Variants in DMD observed in about 807,000 individuals in gnomAD.
DMD encodes dystrophin.
Under a neutral mutation model 330.1 loss-of-function variants are expected in DMD, and 63 were observed. The observed-to-expected ratio is 0.19, with a 90% CI of 0.16 to 0.24. The LOEUF is 0.24. DMD is among the 10% of genes least tolerant of loss of function. The probability of loss-of-function intolerance (pLI) is 1.00; values close to 1 mark genes in which losing one functional copy is unlikely to be tolerated. For missense variants in DMD, 3,344 were observed against 2,684.1 expected (o/e 1.25, Z -5.43); for synonymous variants, 1,223 against 959.8 (o/e 1.27, Z -5.07).
chrX:31,344,889 G>A (rs1018342350), intron 61 of DMD, among the ~76,000 whole-genome samples: 1 of 110,604 alleles, frequency 9.0e-6, no homozygotes, highest in Non-Finnish European at 1.9e-5. Context: ...GCAACCACAA[G>A]AGAAATACAG....
At chrX:31,502,838 G>A (rs890870311) in intron 56 of DMD, among the ~76,000 whole-genome samples, 5 of 111,552 alleles carry the variant, frequency 4.5e-5, no homozygotes, top group African/African-American at 1.6e-4. Context: ...CAAGGATTGT[G>A]GATATGGAAT....
At chrX:32,828,883 T>C (rs1324553261) in intron 4 of DMD, among the ~76,000 whole-genome samples, 1 of 111,582 alleles carries the variant, frequency 9.0e-6, no homozygotes, top group Non-Finnish European at 1.9e-5. Context: ...TGCATTTGAA[T>C]ATATTTTTGT....
intron 11 of DMD, among the ~76,000 whole-genome samples, chrX:32,637,288 C>T (rs899750271): frequency 8.9e-6 from 1 of 112,191 alleles, no homozygotes; most frequent in African/African-American, 3.2e-5. Flanking sequence ...GTGCCTGGCA[C>T]ATACTACACA....
At position 32,451,963 on chromosome X, in the gene DMD, A is replaced by G. The variant is rs1315769901; in HGVS notation, c.3603+2699T>C. ...ATTATCAAAACATGTCAATCAATGT[A>G]GACAAATTTGTTGGAACACTCATTT... On this transcript the variant is annotated intron_variant, in intron 26 of 78. Transcript: ENST00000357033. Among the ~76,000 whole-genome samples the G allele has an allele frequency of 7.2e-5, 8 of 110,617 alleles. No homozygotes were observed. The Admixed American group carries it at 7.7e-4, about 11-fold the overall frequency.
At chrX:32,122,992 C>A (rs1168779127) in intron 44 of DMD, among the ~76,000 whole-genome samples, 1 of 107,662 alleles carries the variant, frequency 9.3e-6, no homozygotes, top group Non-Finnish European at 1.9e-5. Flanking sequence ...ATGACACCTA[C>A]ATGGAAATTT....
At chrX:32,844,381 G>C (rs1251819420) in intron 4 of DMD, among the ~76,000 whole-genome samples, 1 of 101,557 alleles carries the variant, frequency 9.8e-6, no homozygotes, top group Non-Finnish European at 2.0e-5. Flanking sequence ...ACTCCAGCCT[G>C]GGACAGAAGA....
rs748533101 is a variant in DMD, at chrX:31,763,591, A to G, written c.7542+10369T>C. Among the ~76,000 whole-genome samples, 3 of 111,546 alleles carry G rather than the reference A, an allele frequency of 2.7e-5. No individual in the cohort carries two copies. In the South Asian group the frequency reaches 1.1e-3, roughly 42 times the overall value. ...AAAACAAAACAAAAACAAAAACAAA[A>G]CAAAACAAAAACGACCAGTACATAC... On this transcript the variant is annotated intron_variant, in intron 51 of 78. Transcript: ENST00000357033.
At chrX:32,257,673 G>A (rs1464841111) in intron 43 of DMD, among the ~76,000 whole-genome samples, 1 of 111,557 alleles carries the variant, frequency 9.0e-6, no homozygotes, top group African/African-American at 3.3e-5. Context: ...AACTCAAGAT[G>A]CATTAAAGAC....
At chrX:32,370,644 G>C (rs1335916031) in intron 34 of DMD, among the ~76,000 whole-genome samples, 1 of 110,017 alleles carries the variant, frequency 9.1e-6, no homozygotes, top group East Asian at 2.9e-4. Flanking sequence ...TTAATGATCT[G>C]CTAGTGTTAT....
chrX:33,230,247 C>T (rs1011266452), intron 1 of DMD, among the ~76,000 whole-genome samples: 4 of 111,269 alleles, frequency 3.6e-5, no homozygotes, highest in African/African-American at 6.5e-5. Context: ...TAAAGTCATG[C>T]ATCAGAGTGT....
intron 56 of DMD, among the ~76,000 whole-genome samples, chrX:31,497,966 C>T (rs1384412596): frequency 8.9e-6 from 1 of 112,282 alleles, no homozygotes; most frequent in East Asian, 2.8e-4. Flanking sequence ...AGCAACATTT[C>T]CCTTAGCCAT....
intron 2 of DMD, among the ~76,000 whole-genome samples, chrX:33,003,383 G>C (rs1028237276): frequency 1.2e-4 from 14 of 112,209 alleles, no homozygotes; most frequent in African/African-American, 4.5e-4. Context: ...TATCATTTAT[G>C]AAGAATAAAA....
chrX:32,209,314 A>C (rs2097084385), intron 44 of DMD, among the ~76,000 whole-genome samples: 1 of 111,031 alleles, frequency 9.0e-6, no homozygotes, highest in Non-Finnish European at 1.9e-5. Context: ...AAATTAGAGC[A>C]CAAATATATA....
intron 2 of DMD, among the ~76,000 whole-genome samples, chrX:32,883,376 CTTCT>C (rs2084148493): frequency 9.0e-6 from 1 of 110,561 alleles, no homozygotes; most frequent in Admixed American, 9.6e-5. Flanking sequence ...CTGGTAATTG[CTTCT>C]TTCTTATGCA....
chrX:32,321,450 G>A (rs769594608), intron 41 of DMD, among the ~76,000 whole-genome samples: 1 of 110,828 alleles, frequency 9.0e-6, no homozygotes, highest in Non-Finnish European at 1.9e-5. Flanking sequence ...ATGATCTGTT[G>A]GAGACCATTG....
At chrX:31,676,706 C>A (rs992202344) in intron 53 of DMD, among the ~76,000 whole-genome samples, 1 of 112,118 alleles carries the variant, frequency 8.9e-6, no homozygotes, top group Non-Finnish European at 1.9e-5. Context: ...CTGAACTTCT[C>A]TAGCCTTCAG....
intron 48 of DMD, among the ~76,000 whole-genome samples, chrX:31,873,912 A>G (rs767864040): frequency 9.0e-5 from 10 of 111,665 alleles, no homozygotes. Context: ...AACACTCACA[A>G]GTAAGCATCA....
chrX:32,880,947 A>G (rs1810616), intron 2 of DMD, among the ~76,000 whole-genome samples: 37,251 of 112,182 alleles, frequency 0.33, 4,645 homozygotes, highest in Middle Eastern at 0.38. Flanking sequence ...TCCATCTCAA[A>G]AAAAAGAAAA....
rs779573264 is a variant in DMD, at chrX:33,196,611, A to G, written c.31+14671T>C. ...ACATTTATCTTTTAGAGTTATATAC[A>G]TTAGTTATTTGTGATTAACAATAAT... On this transcript the variant is annotated intron_variant, in intron 1 of 78. Coordinates refer to ENST00000357033, the MANE Select transcript of DMD (RefSeq NM_004006.3). 1.4e-4 allele frequency among the ~76,000 whole-genome samples: 16 copies of G among 112,334 alleles called. No individual in the cohort carries two copies. The East Asian group carries it at 4.5e-3, about 31-fold the overall frequency.
Sources: allele counts gnomAD v4.1 joint callset (sites outside exome capture counted in the v4.1 genomes callset), GRCh38; gene constraint gnomAD v4.1.1; transcripts MANE v1.5; gene names NCBI Gene and HGNC (gene_info 2026-07-23, HGNC 2026-07-21).